MYO9A: variants seen among roughly 807,000 people sequenced by gnomAD.
MYO9A encodes the protein unconventional myosin-IXa.
Under a neutral mutation model 293.3 loss-of-function variants are expected in MYO9A, and 103 were observed. That is an observed-to-expected ratio of 0.35 (90% CI 0.30 to 0.41). The LOEUF is 0.41. MYO9A is among the 10% of genes least tolerant of loss of function. The pLI is 1.00. For missense variants in MYO9A, 2,685 were observed against 3,033.0 expected, an observed-to-expected ratio of 0.89 and a Z score of 2.69; for synonymous variants, 1,001 against 1,035.7, an observed-to-expected ratio of 0.97 and a Z score of 0.64.
intron 34 of MYO9A, among the ~76,000 whole-genome samples, chr15:71,858,094 A>T (rs1245210459): frequency 2.0e-5 from 3 of 152,310 alleles, no homozygotes; most frequent in African/African-American, 7.2e-5. Context: ...GATCATTAAA[A>T]AGTCAGGAAA....
intron 19 of MYO9A, among the ~76,000 whole-genome samples, chr15:71,906,693 A>C (rs568710480): frequency 6.8e-6 from 1 of 147,070 alleles, no homozygotes; most frequent in Non-Finnish European, 1.5e-5. Context: ...GTATTTAAAG[A>C]GGTTTCTTGT....
chr15:71,871,362 G>A (rs184016281), intron 32 of MYO9A, among the ~76,000 whole-genome samples: 5 of 151,990 alleles, frequency 3.3e-5, no homozygotes, highest in African/African-American at 7.3e-5. Context: ...GCAACAGAGC[G>A]AGACCTAGTC....
chr15:72,021,028 CAAA>C lies in MYO9A; in HGVS notation c.999-14_999-12del, dbSNP rs2077487089. Reference sequence around the variant, plus strand: ...AATACATGATAGTTCCTGTGGGAAACAAAGAAGTACAAGTTTCATAATGTGTGA... The same window carrying C: ...AATACATGATAGTTCCTGTGGGAAACGAAGTACAAGTTTCATAATGTGTGA... On this transcript the variant is annotated splice_polypyrimidine_tract_variant and intron_variant, in intron 4 of 41. Coordinates refer to ENST00000356056, the MANE Select transcript of MYO9A (RefSeq NM_006901.4). 2.7e-6 allele frequency: 4 copies of C among 1,502,492 alleles called. No homozygotes were observed. The highest frequency in any genetic ancestry group is 2.2e-5 in the Admixed American group (1 of 45,312). 93.1% of individuals were successfully genotyped at this position (1,502,492 alleles called of 1,614,324 possible).
chr15:71,876,588 A>T (rs894508848), intron 31 of MYO9A, among the ~76,000 whole-genome samples: 1 of 151,762 alleles, frequency 6.6e-6, no homozygotes, highest in African/African-American at 2.4e-5. Context: ...GGCGTGTGCC[A>T]GCACACCTGG....
chr15:71,903,057 C>T lies in MYO9A; in HGVS notation c.2884G>A (p.Val962Met), dbSNP rs1465305692. The T allele has an allele frequency of 6.3e-7, 1 of 1,588,928 alleles. No homozygotes were observed. The highest frequency in any genetic ancestry group is 1.4e-5 in the African/African-American group (1 of 73,832). ...GGAAGAAGTACATGGAAGTGGCTCA[C>T]AAAATCCTGAAAAATAATTTAAAAA... ...YSSKYSFQDFVSHFHVLLPRN... is the reference protein window; with the variant it reads ...YSSKYSFQDFMSHFHVLLPRN... Residue 962 changes from valine (V) to methionine (M), a missense_variant, in exon 22 of 42, where the codon GTG (valine) becomes ATG (methionine). Val to Met is a conservative substitution (Grantham distance 21, BLOSUM62 1). Coordinates refer to ENST00000356056, the MANE Select transcript of MYO9A (RefSeq NM_006901.4).
At chr15:71,885,193 C>T (rs930639631) in intron 27 of MYO9A, among the ~76,000 whole-genome samples, 1 of 151,952 alleles carries the variant, frequency 6.6e-6, no homozygotes, top group Admixed American at 6.6e-5. Context: ...TAGGCATGTT[C>T]CACCATTCCA....
Position 72,007,956 on chromosome 15 carries a change from G to T in MYO9A, c.1254-4C>A. 3 of 1,604,900 alleles carry T rather than the reference G, an allele frequency of 1.9e-6. No homozygotes were observed. Among genetic ancestry groups the T allele is most frequent in the Non-Finnish European group, 2.5e-6 (3 of 1,177,158 alleles). On this transcript the variant is annotated splice_region_variant and splice_polypyrimidine_tract_variant and intron_variant, in intron 7 of 41. Transcript: ENST00000356056. ...GGCTGAGAGAAGAGAGAAAATCCTG[G>T]GAAAATAAAACACAAATTATAGCTT... is the stretch of plus-strand genomic sequence containing the variant.
chr15:71,946,609 T>C (rs761209275), intron 15 of MYO9A, among the ~76,000 whole-genome samples: 1 of 152,248 alleles, frequency 6.6e-6, no homozygotes, highest in Non-Finnish European at 1.5e-5. Context: ...TCCAATACAG[T>C]AGCCACTAGC....
chr15:71,966,288 G>GTGTGTT (rs1484160341), intron 13 of MYO9A, among the ~76,000 whole-genome samples: 1 of 151,468 alleles, frequency 6.6e-6, no homozygotes, highest in Non-Finnish European at 1.5e-5. Flanking sequence ...GTGTGTGTGT[G>GTGTGTT]TGTGTGTGTG....
intron 3 of MYO9A, among the ~76,000 whole-genome samples, chr15:72,029,551 G>C (rs1359297223): frequency 2.0e-5 from 3 of 152,140 alleles, no homozygotes; most frequent in Non-Finnish European, 2.9e-5. Flanking sequence ...TAGTATATGA[G>C]GTCCATCATC....
In MYO9A at chr15:72,007,810, A is replaced by C; in HGVS notation, c.1380+16T>G. 1 of 1,594,056 alleles carries C rather than the reference A, an allele frequency of 6.3e-7. No individual in the cohort carries two copies. The highest frequency in any genetic ancestry group is 8.5e-7 in the Non-Finnish European group (1 of 1,174,632). ...TACAAAGATTTGAAATGACAACTGA[A>C]AATGTAATCACTCACCTCTAATAAT... On this transcript the variant is annotated intron_variant, in intron 8 of 41. Transcript: ENST00000356056.
intron 32 of MYO9A, among the ~76,000 whole-genome samples, chr15:71,864,191 AAAG>A (rs1305465488): frequency 6.6e-6 from 1 of 152,242 alleles, no homozygotes; most frequent in African/African-American, 2.4e-5. Flanking sequence ...ACAGCTCATC[AAAG>A]AAGCCGTTCA....
intron 11 of MYO9A, among the ~76,000 whole-genome samples, chr15:71,981,390 G>A (rs998489887): frequency 8.3e-4 from 127 of 152,138 alleles, no homozygotes; most frequent in African/African-American, 2.9e-3. Flanking sequence ...TAATTTACCC[G>A]TGGAGCCACC....
intron 8 of MYO9A, among the ~76,000 whole-genome samples, chr15:72,000,499 TTTCAG>T (rs2076832232): frequency 6.6e-6 from 1 of 152,220 alleles, no homozygotes; most frequent in African/African-American, 2.4e-5. Flanking sequence ...CACATTATCA[TTTCAG>T]TTAATATTTC....
intron 1 of MYO9A, among the ~76,000 whole-genome samples, chr15:72,082,638 C>A (rs141689316): frequency 1.4e-4 from 22 of 152,048 alleles, no homozygotes; most frequent in Non-Finnish European, 2.4e-4. Flanking sequence ...ACAAATGTTT[C>A]CAGTTTTGGC....
intron 17 of MYO9A, among the ~76,000 whole-genome samples, chr15:71,933,917 C>T (rs549937890): frequency 6.6e-6 from 1 of 152,120 alleles, no homozygotes; most frequent in East Asian, 1.9e-4. Flanking sequence ...AAGATACCTG[C>T]CTTGTTATAT....
rs112721875 is a variant in MYO9A at position 72,032,402 on chromosome 15, T to A, written c.935+92A>T. Reference sequence around the variant, plus strand: ...AAGAATTTTAATGCTGACACCAATGTCTGGGAATGAACAATACATAGTTTA... The same window carrying A: ...AAGAATTTTAATGCTGACACCAATGACTGGGAATGAACAATACATAGTTTA... On this transcript the variant is annotated intron_variant, in intron 3 of 41. Coordinates refer to ENST00000356056, the MANE Select transcript of MYO9A (RefSeq NM_006901.4). The A allele has an allele frequency of 1.5e-5, 11 of 752,172 alleles. 1 individual carries two copies. In the African/African-American group the frequency reaches 1.8e-4, roughly 12 times the overall value. The allele number at this position is 752,172 out of a possible 1,614,324, so 46.6% of individuals were successfully genotyped here.
chr15:71,850,317 G>A, intron 37 of MYO9A, 150 bp from the exon 38 acceptor site: 1 of 903,246 alleles, frequency 1.1e-6, no homozygotes, highest in South Asian at 1.8e-5. Context: ...AGGGTCTGCA[G>A]ACTTTTCCCA....
chr15:71,952,206 A>AT (rs1002542275), intron 14 of MYO9A, among the ~76,000 whole-genome samples: 8 of 152,288 alleles, frequency 5.3e-5, no homozygotes, highest in Non-Finnish European at 7.4e-5. Flanking sequence ...TGTATGATTT[A>AT]TTTTTTAAAA....
Sources: allele counts gnomAD v4.1 joint callset (sites outside exome capture counted in the v4.1 genomes callset), GRCh38; gene constraint gnomAD v4.1.1; transcripts MANE v1.5; gene names NCBI Gene and HGNC (gene_info 2026-07-23, HGNC 2026-07-21).